Variants in MORC3 observed in about 807,000 individuals in gnomAD.
The protein encoded by MORC3 is MORC family CW-type zinc finger 3, also known as MORC family CW-type zinc finger protein 3.
MORC3 carries 31 observed loss-of-function variants against 109.1 expected under a neutral mutation model. That is an observed-to-expected ratio of 0.28 (90% CI 0.21 to 0.38). The LOEUF (loss-of-function observed/expected upper bound fraction) is 0.38, where lower values mean the gene tolerates loss of function less well. Ranked by LOEUF, MORC3 falls within the 10% of genes least tolerant of loss-of-function variation. The probability of loss-of-function intolerance (pLI) is 1.00; values close to 1 mark genes in which losing one functional copy is unlikely to be tolerated. For missense variants in MORC3, 867 were observed against 1,135.8 expected, an observed-to-expected ratio of 0.76 and a Z score of 3.40; for synonymous variants, 395 against 380.7, an observed-to-expected ratio of 1.04 and a Z score of -0.44.
At chr21:36,358,972 C>T (rs190500585) in intron 10 of MORC3, among the ~76,000 whole-genome samples, 7 of 152,222 alleles carry the variant, frequency 4.6e-5, no homozygotes, top group Admixed American at 1.3e-4. Context: ...AGCCACCGCG[C>T]CCAGCCTTGA....
chr21:36,337,054 A>G, intron 3 of MORC3, 48 bp downstream of exon 3: 1 of 1,589,464 alleles, frequency 6.3e-7, no homozygotes. Flanking sequence ...TTTTACCTAA[A>G]GGGTTTTCCA....
At chr21:36,358,383 C>T (rs1196471525) in intron 10 of MORC3, among the ~76,000 whole-genome samples, 1 of 151,648 alleles carries the variant, frequency 6.6e-6, no homozygotes, top group Non-Finnish European at 1.5e-5. Context: ...GAAACTCTGT[C>T]TCAAAAAAAA....
chr21:36,329,058 C>T (rs1270954881), intron 1 of MORC3, among the ~76,000 whole-genome samples: 2 of 152,064 alleles, frequency 1.3e-5, no homozygotes, highest in Non-Finnish European at 2.9e-5. Context: ...TTTGGGAGGC[C>T]GAGGTGGGCG....
intron 1 of MORC3, among the ~76,000 whole-genome samples, chr21:36,331,963 G>A (rs2085320551): frequency 6.6e-6 from 1 of 151,114 alleles, no homozygotes; most frequent in Non-Finnish European, 1.5e-5. Flanking sequence ...AACACAGTGA[G>A]ACTCCTGTCT....
Position 36,337,647 on chromosome 21 carries a change from T to TA in MORC3, c.246-76dup, listed in dbSNP as rs372807986. On this transcript the variant is annotated intron_variant, in intron 3 of 16. Coordinates refer to ENST00000400485, the MANE Select transcript of MORC3 (RefSeq NM_015358.3). ...TTACTTGGTATTACAATTAATGAAT[T>TA]AAAAAAAAAGATTATAGGTATTTAT... is the stretch of plus-strand genomic sequence containing the variant. 1,730 of 950,024 alleles carry TA rather than the reference T, an allele frequency of 1.8e-3. 2 individuals carry two copies. The highest frequency in any genetic ancestry group is 6.2e-3 in the Admixed American group (178 of 28,518). The allele number at this position is 950,024 out of a possible 1,614,324, so 58.8% of individuals were successfully genotyped here. A position where few individuals can be genotyped will look rare whatever the true frequency, so the allele number is the denominator to read the frequency against.
Position 36,341,458 on chromosome 21 carries a change from A to G in MORC3, c.668A>G (p.Glu223Gly). The G allele has an allele frequency of 6.2e-7, 1 of 1,613,756 alleles. No homozygotes were observed. Among genetic ancestry groups the G allele is most frequent in the Non-Finnish European group, 8.5e-7 (1 of 1,179,900 alleles). The change falls in exon 6 of 17, where the codon GAG becomes GGG. Residue 223 changes from glutamate to glycine, a missense_variant. Glu to Gly is a moderately conservative substitution (Grantham distance 98). This residue lies in a region of MORC3 where 134 missense variants were observed against 166.6 expected (regional missense o/e 0.80). Transcript: ENST00000400485. ...EKDKYDIRIP[E>G]DLDEITGKKG... ...GATAAATATGATATCAGAATTCCCGAGGATTTAGATGAGATAACAGGGAAG... is the reference window on the plus strand; with the variant it reads ...GATAAATATGATATCAGAATTCCCGGGGATTTAGATGAGATAACAGGGAAG...
chr21:36,371,310 A>G (rs563945348), intron 15 of MORC3, among the ~76,000 whole-genome samples: 6 of 152,292 alleles, frequency 3.9e-5, no homozygotes, highest in African/African-American at 1.4e-4. Context: ...CAGGAGTTGA[A>G]TGACAAAATA....
chr21:36,355,624 C>T (rs2085636389), intron 9 of MORC3, among the ~76,000 whole-genome samples: 1 of 151,792 alleles, frequency 6.6e-6, no homozygotes, highest in African/African-American at 2.4e-5. Context: ...GCATTTTTTC[C>T]CAGAATAGAG....
At position 36,344,710 on chromosome 21, in the gene MORC3, A is replaced by G; in HGVS notation, c.885+3A>G. ...ATGTTTATCGACCAAAATTTTTAGT[A>G]TCCTTTTTCTGATTCCTTATAGAGA... On this transcript the variant is annotated splice_donor_region_variant and intron_variant, in intron 7 of 16. Transcript: ENST00000400485. 6.2e-7 allele frequency: 1 copy of G among 1,613,270 alleles called. No individual in the cohort carries two copies. The highest frequency in any genetic ancestry group is 8.5e-7 in the Non-Finnish European group (1 of 1,179,758).
At chr21:36,320,375 G>T in intron 1 of MORC3, 72 bp downstream of exon 1, 1 of 1,269,202 alleles carries the variant, frequency 7.9e-7, no homozygotes, top group Non-Finnish European at 1.0e-6. Flanking sequence ...GGGGCCGGCA[G>T]TGGGCGGTGG....
At chr21:36,356,560 ATTAT>A (rs1192807969) in intron 9 of MORC3, 56 bp from the exon 10 acceptor site, 10 of 1,112,326 alleles carry the variant, frequency 9.0e-6, no homozygotes, top group African/African-American at 1.6e-5. Flanking sequence ...TCATTACTAG[ATTAT>A]TTATGATTTA....
Position 36,338,983 on chromosome 21 carries a change from T to G in MORC3, c.608+62T>G, listed in dbSNP as rs78070374. On this transcript the variant is annotated intron_variant, in intron 5 of 16. Coordinates refer to ENST00000400485, the MANE Select transcript of MORC3 (RefSeq NM_015358.3). ...AAAGTGCACGTGCAGGGTGGTGGTG[T>G]TATATTCATCTCTCGTTACACACAG... 1.4e-3 allele frequency: 2,116 copies of G among 1,553,184 alleles called. 18 individuals carry two copies. The African/African-American group carries it at 0.023, about 17-fold the overall frequency.
intron 2 of MORC3, among the ~76,000 whole-genome samples, chr21:36,334,358 A>G (rs576031756): frequency 6.6e-6 from 1 of 152,278 alleles, no homozygotes; most frequent in South Asian, 2.1e-4. Flanking sequence ...CTTTAATACT[A>G]CCCAAGTATT....
Position 36,368,970 on chromosome 21 carries a change from G to A in MORC3, c.1620-18G>A, listed in dbSNP as rs116930188. 0.024 allele frequency: 38,046 copies of A among 1,559,278 alleles called. 582 individuals are homozygous for A. The highest frequency in any genetic ancestry group is 0.06 in the Admixed American group (3,110 of 51,912). On this transcript the variant is annotated intron_variant, in intron 14 of 16. Transcript: ENST00000400485. ...CATATTTTATAATCTTATGTTTTAT[G>A]TATAAAATTTTTTTCAGCTTGAAAC...
At chr21:36,356,789 G>A (rs2085650651) in intron 10 of MORC3, 65 bp downstream of exon 10, 5 of 1,096,292 alleles carry the variant, frequency 4.6e-6, no homozygotes, top group Middle Eastern at 2.1e-4. Context: ...GAGAGTAAAG[G>A]GATTGTACAA....
chr21:36,355,017 A>G (rs1051999453), intron 9 of MORC3, among the ~76,000 whole-genome samples: 2 of 152,192 alleles, frequency 1.3e-5, no homozygotes, highest in Non-Finnish European at 2.9e-5. Flanking sequence ...ACATGTGGAC[A>G]TAGCAGGAAT....
intron 1 of MORC3, among the ~76,000 whole-genome samples, chr21:36,324,164 C>T (rs1001016007): frequency 1.3e-5 from 2 of 152,054 alleles, no homozygotes; most frequent in Non-Finnish European, 2.9e-5. Flanking sequence ...CATGAGGCAC[C>T]GAGCCCGGCC....
At chr21:36,342,324 G>C (rs1002654734) in intron 6 of MORC3, among the ~76,000 whole-genome samples, 2 of 152,166 alleles carry the variant, frequency 1.3e-5, no homozygotes, top group African/African-American at 4.8e-5. Context: ...ACTATAGTTA[G>C]ATAAGGTACA....
At chr21:36,364,053 G>A (rs1355056499) in intron 13 of MORC3, 40 bp from the exon 14 acceptor site, 3 of 1,588,010 alleles carry the variant, frequency 1.9e-6, no homozygotes, top group South Asian at 2.3e-5. Context: ...TGTCACACTA[G>A]AAATAGTTCC....
Sources: gnomAD v4.1 joint callset for allele counts (sites outside exome capture counted in the v4.1 genomes callset) on GRCh38, gnomAD v4.1.1 for gene constraint, gnomAD v4.1.1 regional missense constraint, MANE v1.5 for transcripts, NCBI Gene and HGNC (gene_info 2026-07-23, HGNC 2026-07-21) for gene names.